Variants in NRXN1 observed in about 807,000 individuals in gnomAD.
The protein encoded by NRXN1 is neurexin-1.
Under a neutral mutation model 150.9 loss-of-function variants are expected in NRXN1, and 39 were observed. The ratio of observed to expected loss-of-function variants is 0.26; its 90% CI spans 0.20 to 0.34. NRXN1 has a LOEUF of 0.34. NRXN1 is among the 10% of genes least tolerant of loss of function. The probability of loss-of-function intolerance (pLI) is 1.00; values close to 1 mark genes in which losing one functional copy is unlikely to be tolerated. For missense variants in NRXN1, 1,815 were observed against 1,949.9 expected (o/e 0.93, Z 1.30); for synonymous variants, 924 against 757.0 (o/e 1.22, Z -3.62).
chr2:49,955,387 T>A (rs190920647), intron 21 of NRXN1, among the ~76,000 whole-genome samples: 1 of 152,250 alleles, frequency 6.6e-6, no homozygotes, highest in Admixed American at 6.5e-5. Flanking sequence ...TTCCACATTA[T>A]ACCCCATGGC....
intron 5 of NRXN1, among the ~76,000 whole-genome samples, chr2:50,785,495 G>T (rs971077121): frequency 2.0e-5 from 3 of 152,000 alleles, no homozygotes; most frequent in Admixed American, 6.6e-5. Context: ...TGGTCCGCCC[G>T]CCTTGGCCTC....
At chr2:50,584,008 C>G (rs1021935553) in intron 8 of NRXN1, among the ~76,000 whole-genome samples, 1 of 152,154 alleles carries the variant, frequency 6.6e-6, no homozygotes, top group Non-Finnish European at 1.5e-5. Flanking sequence ...ATGGAATTGA[C>G]AAGAGTCTAG....
chr2:50,661,539 G>T (rs1486420396), intron 5 of NRXN1, among the ~76,000 whole-genome samples: 1 of 151,988 alleles, frequency 6.6e-6, no homozygotes, highest in Non-Finnish European at 1.5e-5. Flanking sequence ...TGCCTTAAGG[G>T]TCCTCAGTAA....
chr2:50,405,523 T>C (rs1463353255), intron 17 of NRXN1, among the ~76,000 whole-genome samples: 1 of 152,104 alleles, frequency 6.6e-6, no homozygotes, highest in African/African-American at 2.4e-5. Context: ...CAAAACTTCT[T>C]TCTATTGTGT....
chr2:50,114,310 A>G (rs916975671), intron 18 of NRXN1, among the ~76,000 whole-genome samples: 1 of 152,196 alleles, frequency 6.6e-6, no homozygotes, highest in African/African-American at 2.4e-5. Flanking sequence ...ACAGTGATAC[A>G]CCACTATAAA....
At chr2:50,611,005 T>G (rs1049207297) in intron 8 of NRXN1, among the ~76,000 whole-genome samples, 6 of 149,700 alleles carry the variant, frequency 4.0e-5, no homozygotes, top group Non-Finnish European at 7.4e-5. Flanking sequence ...CTTGGCCTCC[T>G]GCAGTGCTGG....
At chr2:50,515,550 T>C (rs2105076681) in intron 12 of NRXN1, among the ~76,000 whole-genome samples, 1 of 151,854 alleles carries the variant, frequency 6.6e-6, no homozygotes, top group African/African-American at 2.4e-5. Flanking sequence ...TAAATTAGGT[T>C]CCTTTCCTTT....
chr2:50,380,407 G>A (rs958764857), intron 17 of NRXN1, among the ~76,000 whole-genome samples: 4 of 151,898 alleles, frequency 2.6e-5, no homozygotes, highest in East Asian at 3.9e-4. Context: ...AGGTTTTGAC[G>A]CAACTGTTTC....
rs564470776 is a variant in NRXN1, at chr2:50,887,663, T to G, written c.832+34206A>C. ...GTTAAGTGATATCACATCCTTGAGC[T>G]TGCCATTTGGAATACATTTTTCATA... On this transcript the variant is annotated intron_variant, in intron 5 of 22. Transcript: ENST00000401669. Among the ~76,000 whole-genome samples, 6 of 151,580 alleles carry G rather than the reference T, an allele frequency of 4.0e-5. No homozygotes were observed. The South Asian group carries it at 1.2e-3, about 31-fold the overall frequency.
chr2:50,191,702 CT>C (rs1366374922), intron 18 of NRXN1, among the ~76,000 whole-genome samples: 1 of 152,170 alleles, frequency 6.6e-6, no homozygotes, highest in Non-Finnish European at 1.5e-5. Context: ...TTCTGTTGGA[CT>C]TTTTCATTCA....
rs541859710 is a variant in NRXN1 at position 49,995,623 on chromosome 2, T to C, written c.4129-51832A>G. Among the ~76,000 whole-genome samples the C allele has an allele frequency of 5.3e-5, 8 of 150,352 alleles. No homozygotes were observed. In the South Asian group the frequency reaches 1.7e-3, roughly 32 times the overall value. ...GGTGAAACCCCGCCTCTACTAAAAA[T>C]ACAAAAAATGAGCCGGGCGTGGTGG... On this transcript the variant is annotated intron_variant, in intron 21 of 22. Transcript: ENST00000401669.
chr2:50,844,665 A>G (rs1444459659), intron 5 of NRXN1, among the ~76,000 whole-genome samples: 1 of 152,172 alleles, frequency 6.6e-6, no homozygotes, highest in Admixed American at 6.5e-5. Context: ...CCTGAAGGAA[A>G]TTTAACCTCT....
intron 21 of NRXN1, among the ~76,000 whole-genome samples, chr2:49,982,264 T>A (rs1680106370): frequency 6.6e-6 from 1 of 152,156 alleles, no homozygotes; most frequent in Non-Finnish European, 1.5e-5. Context: ...CGATTCAATT[T>A]GGGCCTTGAA....
chr2:50,208,265 C>T (rs1017199394), intron 18 of NRXN1, among the ~76,000 whole-genome samples: 1 of 152,096 alleles, frequency 6.6e-6, no homozygotes, highest in African/African-American at 2.4e-5. Flanking sequence ...ACAATGAACT[C>T]ATGCCCAGCA....
intron 8 of NRXN1, among the ~76,000 whole-genome samples, chr2:50,557,874 G>A (rs1323507292): frequency 1.3e-5 from 2 of 152,180 alleles, no homozygotes; most frequent in Admixed American, 6.5e-5. Context: ...CAGGATCAAA[G>A]GTATTCAGCA....
rs570318154 is a variant in NRXN1, at chr2:50,874,429, G to A, written c.832+47440C>T. 7.3e-5 allele frequency among the ~76,000 whole-genome samples: 11 copies of A among 151,670 alleles called. No individual in the cohort carries two copies. The South Asian group carries it at 2.3e-3, about 31-fold the overall frequency. On this transcript the variant is annotated intron_variant, in intron 5 of 22. Coordinates refer to ENST00000401669, the MANE Select transcript of NRXN1 (RefSeq NM_001330078.2). ...TTTTTTTTATAGATGAAAAACCTGA[G>A]GCACCAATAGGGGTACTGGTCACAC... is the stretch of plus-strand genomic sequence containing the variant.
chr2:50,450,322 A>G (rs2086844464), intron 17 of NRXN1, among the ~76,000 whole-genome samples: 2 of 152,108 alleles, frequency 1.3e-5, no homozygotes, highest in South Asian at 2.1e-4. Flanking sequence ...ATGAGCACTT[A>G]AATTGTTAGT....
chr2:50,507,234 T>A (rs764476367), intron 12 of NRXN1, among the ~76,000 whole-genome samples: 1 of 152,162 alleles, frequency 6.6e-6, no homozygotes, highest in African/African-American at 2.4e-5. Flanking sequence ...TATGGAATGT[T>A]GAGTCTAAAA....
chr2:50,774,689 A>C (rs72837068), intron 5 of NRXN1, among the ~76,000 whole-genome samples: 5,199 of 152,226 alleles, frequency 0.034, 193 homozygotes, highest in East Asian at 0.09. Context: ...CACTACTTGA[A>C]AAAGCAGACC....
Sources: allele counts gnomAD v4.1 joint callset (sites outside exome capture counted in the v4.1 genomes callset), GRCh38; gene constraint gnomAD v4.1.1; transcripts MANE v1.5; gene names NCBI Gene and HGNC (gene_info 2026-07-23, HGNC 2026-07-21).